The following CDH15 variants were observed in gnomAD, a reference collection of about 807,000 sequenced individuals.
The protein encoded by CDH15 is cadherin-15.
Under a neutral mutation model 69.4 loss-of-function variants are expected in CDH15, and 73 were observed. That is an observed-to-expected ratio of 1.05 (90% CI 0.87 to 1.28). The LOEUF (loss-of-function observed/expected upper bound fraction) is 1.28. CDH15 is among the 50% of genes most tolerant of loss of function. The pLI is 0.00. For synonymous variants in CDH15, 624 were observed against 507.7 expected (o/e 1.23, Z -3.08); for missense variants, 1,343 against 1,133.6 (o/e 1.18, Z -2.65).
chr16:89,190,221 G>A (rs200381943), intron 7 of CDH15, 22 bp from the exon 8 acceptor site: 27 of 1,609,480 alleles, frequency 1.7e-5, no homozygotes, highest in Admixed American at 1.3e-4. Flanking sequence ...GGCGGATGAC[G>A]GGCTGTGCTT....
chr16:89,185,384 C>T, intron 5 of CDH15, 51 bp downstream of exon 5: 2 of 1,546,720 alleles, frequency 1.3e-6, no homozygotes, highest in Non-Finnish European at 1.7e-6. Flanking sequence ...GGCAGCCCAT[C>T]TCCTGCGGGT....
At chr16:89,189,928 A>G (rs1200235414) in intron 7 of CDH15, among the ~76,000 whole-genome samples, 1 of 152,234 alleles carries the variant, frequency 6.6e-6, no homozygotes, top group African/African-American at 2.4e-5. Context: ...CACATCACCC[A>G]GGACGATCTC....
intron 1 of CDH15, among the ~76,000 whole-genome samples, chr16:89,176,748 C>A (rs890099422): frequency 6.6e-6 from 1 of 151,556 alleles, no homozygotes; most frequent in Admixed American, 6.5e-5. Context: ...GAGCAGGCCG[C>A]GAAGATGGTG....
chr16:89,180,838 C>T (rs1156364644), intron 3 of CDH15, among the ~76,000 whole-genome samples: 3 of 149,398 alleles, frequency 2.0e-5, no homozygotes, highest in Non-Finnish European at 4.5e-5. Context: ...ATTCTCCTGC[C>T]TCAGCCTCCC....
chr16:89,188,294 C>A lies in CDH15; in HGVS notation c.978+9C>A. On this transcript the variant is annotated intron_variant, in intron 7 of 13. Coordinates refer to ENST00000289746, the MANE Select transcript of CDH15 (RefSeq NM_004933.3). ...TTCTGTCCATTGTGAAGGTGAGCGG[C>A]CCCCGGCTGGCACACAGATGCCGGC... 1 of 1,610,400 alleles carries A rather than the reference C, an allele frequency of 6.2e-7. No homozygotes were observed. The highest frequency in any genetic ancestry group is 8.5e-7 in the Non-Finnish European group (1 of 1,178,142).
chr16:89,178,576 G>A (rs907324712), intron 1 of CDH15, among the ~76,000 whole-genome samples: 3 of 151,168 alleles, frequency 2.0e-5, no homozygotes, highest in African/African-American at 7.3e-5. Flanking sequence ...CCCCACCGAG[G>A]CAGCCCTGGC....
In CDH15 at chr16:89,179,556, C is replaced by T. The variant is rs763582715; in HGVS notation, c.183C>T (p.Leu61=). The part of the protein sequence containing the change: ...PISVSENHKR[L]PYPLVQIKSD... ...GCGTATCCGAGAACCACAAGCGTCT[C>T]CCCTACCCCCTGGTTCAGGTGAGCA... is the stretch of plus-strand genomic sequence containing the variant. Residue 61 remains leucine (L), a synonymous_variant, in exon 2 of 14, where the codon CTC becomes CTT. Coordinates refer to ENST00000289746, the MANE Select transcript of CDH15 (RefSeq NM_004933.3). 7.3e-5 allele frequency: 117 copies of T among 1,597,620 alleles called. No homozygotes were observed. Among genetic ancestry groups the T allele is most frequent in the Non-Finnish European group, 9.4e-5 (110 of 1,170,270 alleles).
chr16:89,191,621 T>TG, intron 9 of CDH15, 34 bp from the exon 10 acceptor site: 2 of 1,569,162 alleles, frequency 1.3e-6, no homozygotes, highest in Non-Finnish European at 8.6e-7. Flanking sequence ...GCTGGGGTGT[T>TG]GGGGTCACTA....
intron 3 of CDH15, among the ~76,000 whole-genome samples, chr16:89,180,758 C>T (rs542835817): frequency 1.4e-4 from 21 of 152,300 alleles, no homozygotes; most frequent in Admixed American, 1.3e-3. Context: ...GAGTCTCGCT[C>T]TGTCGCCCAG....
In CDH15 at chr16:89,175,286, C is replaced by T. The variant is rs1262863070; in HGVS notation, c.42+3413C>T. 5.3e-5 allele frequency among the ~76,000 whole-genome samples: 8 copies of T among 152,168 alleles called. No individual in the cohort carries two copies. In the East Asian group the frequency reaches 9.6e-4, roughly 18 times the overall value. On this transcript the variant is annotated intron_variant, in intron 1 of 13. Coordinates refer to ENST00000289746, the MANE Select transcript of CDH15 (RefSeq NM_004933.3). ...CAGGGAGGGGATGGAAACGTCTGCC[C>T]GGGTGGGGGTGGCCCCTCCACCTCA...
chr16:89,191,659 C>T lies in CDH15; in HGVS notation c.1380C>T (p.Ser460=), dbSNP rs754429480. The change falls in exon 10 of 14, where the codon TCC becomes TCT. Residue 460 remains serine (S), a synonymous_variant. Coordinates refer to ENST00000289746, the MANE Select transcript of CDH15 (RefSeq NM_004933.3). ...RAIVLAQDDA[S]QPRTATGTLS... Reference sequence around the variant, plus strand: ...CCGCGGCCTCCTCGCCTGCAGCCTCCCAGCCCCGCACCGCCACCGGCACCC... The same window carrying T: ...CCGCGGCCTCCTCGCCTGCAGCCTCTCAGCCCCGCACCGCCACCGGCACCC... 47 of 1,587,548 alleles carry T rather than the reference C, an allele frequency of 3.0e-5. No individual in the cohort carries two copies. Among genetic ancestry groups the T allele is most frequent in the Middle Eastern group, 1.7e-4 (1 of 6,038 alleles).
rs775476836 is a variant in CDH15, at chr16:89,195,015, TG to T, written c.2310del (p.Arg772AlafsTer67). On this transcript the variant is annotated frameshift_variant, in exon 14 of 14. Coordinates refer to ENST00000289746, the MANE Select transcript of CDH15 (RefSeq NM_004933.3). LOFTEE classifies it low-confidence loss of function (END_TRUNC). ...EDQDYDYLRDWGPRFARLADM... is the reference protein window; with the variant it reads ...EDQDYDYLRDXGPRFARLADM... ...CCAGGACTACGACTACCTCAGAGAC[TG>T]GGGGCCCCGCTTCGCCCGGCTGGCA... 3 of 1,612,224 alleles carry T rather than the reference TG, an allele frequency of 1.9e-6. No individual in the cohort carries two copies. Among genetic ancestry groups the T allele is most frequent in the East Asian group, 4.5e-5 (2 of 44,872 alleles).
At chr16:89,188,984 CACAG>C (rs1050388417) in intron 7 of CDH15, among the ~76,000 whole-genome samples, 5 of 149,032 alleles carry the variant, frequency 3.4e-5, no homozygotes, top group African/African-American at 1.2e-4. Context: ...GATGCCCACA[CACAG>C]ACACCCACAC....
At chr16:89,191,960 C>T (rs1050312452) in intron 10 of CDH15, 66 bp downstream of exon 10, 5 of 1,442,856 alleles carry the variant, frequency 3.5e-6, no homozygotes, top group Non-Finnish European at 4.7e-6. Context: ...ATTCCGGCCT[C>T]GGACGGGGGC....
At chr16:89,173,782 C>T (rs796522740) in intron 1 of CDH15, among the ~76,000 whole-genome samples, 32 of 152,312 alleles carry the variant, frequency 2.1e-4, no homozygotes, top group African/African-American at 7.2e-4. Context: ...CTCACTCAGC[C>T]CCACCCGGAG....
At chr16:89,173,170 C>G (rs1469354866) in intron 1 of CDH15, among the ~76,000 whole-genome samples, 1 of 152,178 alleles carries the variant, frequency 6.6e-6, no homozygotes, top group Non-Finnish European at 1.5e-5. Flanking sequence ...GCTCACCCCC[C>G]GGCCCTCCAC....
chr16:89,173,507 G>A (rs1190107290), intron 1 of CDH15, among the ~76,000 whole-genome samples: 3 of 152,220 alleles, frequency 2.0e-5, no homozygotes, highest in Non-Finnish European at 4.4e-5. Flanking sequence ...TGGAGGCTGG[G>A]GGAGGTGGTG....
chr16:89,184,144 G>A (rs935223501), intron 4 of CDH15, among the ~76,000 whole-genome samples: 5 of 152,194 alleles, frequency 3.3e-5, no homozygotes, highest in Admixed American at 2.0e-4. Flanking sequence ...AAAGGCACAG[G>A]CCCCCTCGTG....
chr16:89,179,911 C>T (rs1915338568), intron 2 of CDH15, among the ~76,000 whole-genome samples: 1 of 152,210 alleles, frequency 6.6e-6, no homozygotes, highest in African/African-American at 2.4e-5. Context: ...GGTGAACTGC[C>T]TTGCGTGGGC....
Sources: gnomAD v4.1 joint callset for allele counts (sites outside exome capture counted in the v4.1 genomes callset) on GRCh38, gnomAD v4.1.1 for gene constraint, MANE v1.5 for transcripts, NCBI Gene and HGNC (gene_info 2026-07-23, HGNC 2026-07-21) for gene names.